The following ZNF584 variants were observed in gnomAD, a reference collection of about 807,000 sequenced individuals.
ZNF584 encodes the protein zinc finger protein 584.
In ZNF584, 12 loss-of-function variants were observed where a neutral mutation model predicts 14.7. That is an observed-to-expected ratio of 0.82 (90% CI 0.52 to 1.32). The LOEUF (loss-of-function observed/expected upper bound fraction) is 1.32, where lower values mean the gene tolerates loss of function less well. ZNF584 is among the 40% of genes most tolerant of loss of function. The probability of loss-of-function intolerance (pLI) is 0.00; values close to 1 mark genes in which losing one functional copy is unlikely to be tolerated. For synonymous variants in ZNF584, 204 were observed against 190.9 expected (o/e 1.07, Z -0.57); for missense variants, 478 against 518.8 (o/e 0.92, Z 0.76).
At chr19:58,416,005 T>C in intron 3 of ZNF584, 2 of 1,562,520 alleles carry the variant, frequency 1.3e-6, no homozygotes, top group Admixed American at 3.5e-5. Context: ...GGAATCACAT[T>C]TTGCTGGGAC....
rs1403453718 is a variant in ZNF584 at position 58,408,870 on chromosome 19, G to C, written c.-278G>C. 2.6e-6 allele frequency: 1 copy of C among 390,852 alleles called. No individual in the cohort carries two copies. The highest frequency in any genetic ancestry group is 3.8e-5 in the East Asian group (1 of 26,032). 24.2% of individuals were successfully genotyped at this position (390,852 alleles called of 1,614,324 possible). A position where few individuals can be genotyped will look rare whatever the true frequency, so the allele number is the denominator to read the frequency against. On this transcript the variant is annotated 5_prime_UTR_variant, in exon 1 of 4. Coordinates refer to ENST00000306910, the MANE Select transcript of ZNF584 (RefSeq NM_173548.3). ...ATCCCCTGCGCGAGGTGAAGGGCAG[G>C]GACCTTTGCCGCGCCTTCCACGCGC...
At chr19:58,414,617 C>CAGGCATGA (rs1243195513) in intron 2 of ZNF584, among the ~76,000 whole-genome samples, 2 of 152,036 alleles carry the variant, frequency 1.3e-5, no homozygotes, top group Admixed American at 1.3e-4. Context: ...GCTGGGATTA[C>CAGGCATGA]AGGCATGAGC....
In ZNF584 at chr19:58,412,221, G is replaced by C. The variant is rs1170556047; in HGVS notation, c.169+2130G>C. 1.1e-4 allele frequency among the ~76,000 whole-genome samples: 3 copies of C among 26,160 alleles called. No homozygotes were observed. The South Asian group carries it at 3.1e-3, about 27-fold the overall frequency. The allele number at this position is 26,160 out of a possible 152,430, so 17.2% of individuals were successfully genotyped here. ...GGTCTTTTTTTTTTTTTTTTTTTTT[G>C]AGACGGAGTCTCGCTCTGTCGCCCA... is the stretch of plus-strand genomic sequence containing the variant. On this transcript the variant is annotated intron_variant, in intron 2 of 3. Transcript: ENST00000306910.
At chr19:58,411,844 A>G (rs79372753) in intron 2 of ZNF584, among the ~76,000 whole-genome samples, 69 of 151,774 alleles carry the variant, frequency 4.5e-4, no homozygotes, top group African/African-American at 1.6e-3. Context: ...GGGTTTCACC[A>G]TGTTTGCAAG....
At chr19:58,413,231 G>A (rs1234072081) in intron 2 of ZNF584, among the ~76,000 whole-genome samples, 1 of 151,724 alleles carries the variant, frequency 6.6e-6, no homozygotes, top group Non-Finnish European at 1.5e-5. Flanking sequence ...TTAGGTTATT[G>A]GTTTGAGATC....
chr19:58,414,622 A>T (rs2052616850), intron 2 of ZNF584, among the ~76,000 whole-genome samples: 1 of 151,782 alleles, frequency 6.6e-6, no homozygotes, highest in African/African-American at 2.4e-5. Flanking sequence ...GATTACAGGC[A>T]TGAGCCACCG....
At chr19:58,407,689 T>C (rs1298670468), upstream of ZNF584, among the ~76,000 whole-genome samples, 4 of 152,182 alleles carry the variant, frequency 2.6e-5, no homozygotes, top group African/African-American at 9.7e-5. Context: ...CCAGCACCAC[T>C]TCAGGTAGAA....
intron 2 of ZNF584, among the ~76,000 whole-genome samples, chr19:58,410,543 A>ATATATGTG (rs1555785534): frequency 4.3e-5 from 1 of 23,138 alleles, no homozygotes; most frequent in African/African-American, 2.5e-4. Context: ...ATATATATAT[A>ATATATGTG]TATATATATA....
At chr19:58,402,755 C>T (rs1021558908) in intron 1 of ZNF584, among the ~76,000 whole-genome samples, 4 of 127,282 alleles carry the variant, frequency 3.1e-5, no homozygotes, top group South Asian at 2.8e-4. Flanking sequence ...ACTCGGGAGG[C>T]GGAGGTTGCG....
In ZNF584 at chr19:58,409,887, G is replaced by A. The variant is rs563121856; in HGVS notation, c.19-54G>A. On this transcript the variant is annotated intron_variant, in intron 1 of 3. Transcript: ENST00000306910. ...TGAGATACAGGTCAAGGGCCTGAAT[G>A]TGTCCATCTGTCCATATTTTGGTTG... The A allele has an allele frequency of 1.9e-3, 2,990 of 1,609,596 alleles. 6 individuals carry two copies. The highest frequency in any genetic ancestry group is 2.3e-3 in the Non-Finnish European group (2,754 of 1,175,952).
intron 2 of ZNF584, 34 bp downstream of exon 2, chr19:58,410,125 C>G (rs2052525218): frequency 1.7e-5 from 26 of 1,564,730 alleles, no homozygotes; most frequent in Non-Finnish European, 2.2e-5. Context: ...AGCACACTGA[C>G]TACCCCCTCA....
At chr19:58,416,110 C>G in intron 3 of ZNF584, 1 of 676,274 alleles carries the variant, frequency 1.5e-6, no homozygotes, top group Non-Finnish European at 2.4e-6. Context: ...CCCCACCTCT[C>G]TTCCCTGCAC....
At position 58,410,537 on chromosome 19, in the gene ZNF584, A is replaced by ATATGTGTG. The variant is rs2052533832; in HGVS notation, c.169+449_169+450insGTGTGTAT. Among the ~76,000 whole-genome samples, 4 of 24,648 alleles carry ATATGTGTG rather than the reference A, an allele frequency of 1.6e-4. 1 individual carries two copies. The highest frequency in any genetic ancestry group is 9.8e-3 in the Middle Eastern group (1 of 102). 16.2% of individuals were successfully genotyped at this position (24,648 alleles called of 152,430 possible). On this transcript the variant is annotated intron_variant, in intron 2 of 3. Coordinates refer to ENST00000306910, the MANE Select transcript of ZNF584 (RefSeq NM_173548.3). ...TTGGGAAATATATATATATATATAT[A>ATATGTGTG]TATATATATATATATATATATGTGT...
At chr19:58,413,985 A>ATT (rs34318637) in intron 2 of ZNF584, among the ~76,000 whole-genome samples, 21 of 149,766 alleles carry the variant, frequency 1.4e-4, no homozygotes, top group Non-Finnish European at 2.7e-4. Flanking sequence ...CGCCTGGCTA[A>ATT]TTTTTTTTTG....
chr19:58,402,655 T>C (rs547030300), intron 1 of ZNF584, among the ~76,000 whole-genome samples: 2 of 152,030 alleles, frequency 1.3e-5, no homozygotes, highest in South Asian at 2.1e-4. Context: ...AAACCCCATC[T>C]GTACTAAAAA....
chr19:58,407,312 A>C (rs2052481648), upstream of ZNF584: 1 of 152,368 alleles, frequency 6.6e-6, no homozygotes, highest in South Asian at 2.1e-4. Context: ...CTCCAAGACA[A>C]ACACAGACCT....
chr19:58,401,733 CGAG>C (rs2052432219), intron 1 of ZNF584: 1 of 101,354 alleles, frequency 9.9e-6, no homozygotes, highest in Non-Finnish European at 2.4e-5. Context: ...ACGCCGGGGA[CGAG>C]TCTGTGGCAC....
upstream of ZNF584, chr19:58,404,240 T>TC: frequency 6.8e-6 from 1 of 147,000 alleles, no homozygotes. Context: ...TTTTTTTTTT[T>TC]TCTTTTTTTT....
upstream of ZNF584, chr19:58,405,492 GCTC>G (rs2052463498): frequency 6.1e-6 from 1 of 163,644 alleles, no homozygotes; most frequent in African/African-American, 2.4e-5. Context: ...GGGCGGAGAG[GCTC>G]CTCACTTCTC....
Sources: gnomAD v4.1 joint callset for allele counts (sites outside exome capture counted in the v4.1 genomes callset) on GRCh38, gnomAD v4.1.1 for gene constraint, MANE v1.5 for transcripts, NCBI Gene and HGNC (gene_info 2026-07-23, HGNC 2026-07-21) for gene names.